SLC35F3: variants seen among roughly 807,000 people sequenced by gnomAD.
SLC35F3 encodes the protein solute carrier family 35 member F3.
SLC35F3 carries 25 observed loss-of-function variants against 49.9 expected under a neutral mutation model. That is an observed-to-expected ratio of 0.50 (90% CI 0.37 to 0.70). The LOEUF (loss-of-function observed/expected upper bound fraction) is 0.70. Ranked by LOEUF, SLC35F3 falls within the 30% of genes least tolerant of loss-of-function variation. The probability of loss-of-function intolerance (pLI) is 0.00; values close to 1 mark genes in which losing one functional copy is unlikely to be tolerated. For missense variants in SLC35F3, 525 were observed against 639.8 expected, an observed-to-expected ratio of 0.82 and a Z score of 1.94; for synonymous variants, 275 against 265.4, an observed-to-expected ratio of 1.04 and a Z score of -0.35.
intron 2 of SLC35F3, among the ~76,000 whole-genome samples, chr1:234,112,878 A>G (rs1431068036): frequency 6.6e-6 from 1 of 151,180 alleles, no homozygotes; most frequent in Non-Finnish European, 1.5e-5. Context: ...CCCGGCCTAT[A>G]ATTCACATTC....
chr1:234,317,825 G>A (rs1657526240), intron 5 of SLC35F3, among the ~76,000 whole-genome samples: 1 of 152,198 alleles, frequency 6.6e-6, no homozygotes, highest in Admixed American at 6.5e-5. Context: ...GACTCAAATA[G>A]CTGTGGACTA....
rs184619507 is a variant in SLC35F3, at chr1:234,307,952, T to G, written c.609-1149T>G. Among the ~76,000 whole-genome samples the G allele has an allele frequency of 5.5e-4, 84 of 152,328 alleles. 1 individual carries two copies. The highest frequency in any genetic ancestry group is 5.2e-3 in the Admixed American group (79 of 15,296). On this transcript the variant is annotated intron_variant, in intron 3 of 7. Coordinates refer to ENST00000366618, the MANE Select transcript of SLC35F3 (RefSeq NM_173508.4). ...CACACCCGAGCTCCCCACGGCCTCC[T>G]CTACTTCCTTCTTCTGCATGTAGAA... is the stretch of plus-strand genomic sequence containing the variant.
At chr1:234,059,619 G>C (rs367688913) in intron 2 of SLC35F3, among the ~76,000 whole-genome samples, 416 of 7,428 alleles carry the variant, frequency 0.056, 1 homozygote, top group Middle Eastern at 0.14. Flanking sequence ...ACATAGACTA[G>C]ACATAGACAT....
At chr1:234,036,728 A>T (rs1299178805) in intron 2 of SLC35F3, among the ~76,000 whole-genome samples, 1 of 152,212 alleles carries the variant, frequency 6.6e-6, no homozygotes, top group Non-Finnish European at 1.5e-5. Flanking sequence ...CTCAGTAAAC[A>T]GACTTTCCAC....
chr1:234,108,760 TAAA>T (rs1665349070), intron 2 of SLC35F3, among the ~76,000 whole-genome samples: 5 of 102,122 alleles, frequency 4.9e-5, no homozygotes, highest in African/African-American at 1.7e-4. Flanking sequence ...AAGATATATA[TAAA>T]TATATATATC....
chr1:234,145,623 T>C (rs1665984922), intron 2 of SLC35F3, among the ~76,000 whole-genome samples: 1 of 152,204 alleles, frequency 6.6e-6, no homozygotes, highest in Non-Finnish European at 1.5e-5. Flanking sequence ...GACTTTTTTT[T>C]CTTGTCATTA....
chr1:233,917,574 A>G (rs142271160), intron 2 of SLC35F3, among the ~76,000 whole-genome samples: 1,896 of 152,314 alleles, frequency 0.012, 23 homozygotes, highest in Middle Eastern at 0.02. Context: ...CCAGCTCTAA[A>G]AAAGCTAGCC....
chr1:234,199,650 TC>T (rs1666872101), intron 2 of SLC35F3, among the ~76,000 whole-genome samples: 1 of 152,090 alleles, frequency 6.6e-6, no homozygotes, highest in Admixed American at 6.6e-5. Flanking sequence ...TGGGATTACA[TC>T]AACATAAAAA....
chr1:233,939,456 G>A (rs193193850), intron 2 of SLC35F3, among the ~76,000 whole-genome samples: 8 of 152,044 alleles, frequency 5.3e-5, no homozygotes, highest in East Asian at 3.9e-4. Context: ...TCCTGTCTCC[G>A]AAAAGAAAAA....
intron 3 of SLC35F3, among the ~76,000 whole-genome samples, chr1:234,235,107 C>T (rs184042649): frequency 6.4e-4 from 98 of 152,176 alleles, no homozygotes; most frequent in Non-Finnish European, 5.1e-4. Context: ...CTGATCAGGG[C>T]TTCTCATGAT....
intron 2 of SLC35F3, among the ~76,000 whole-genome samples, chr1:234,167,527 C>A (rs1288344746): frequency 1.3e-5 from 2 of 152,190 alleles, no homozygotes; most frequent in Non-Finnish European, 2.9e-5. Context: ...TTTAACCTGG[C>A]TGGCAGCTCC....
At chr1:233,908,210 ATTC>A (rs149375778) in intron 2 of SLC35F3, among the ~76,000 whole-genome samples, 4,143 of 152,164 alleles carry the variant, frequency 0.027, 119 homozygotes, top group East Asian at 0.15. Context: ...AAAAAAAAAA[ATTC>A]TCATGATCTC....
rs1221299852 is a variant in SLC35F3 at position 234,132,808 on chromosome 1, A to C, written c.284-98609A>C. Among the ~76,000 whole-genome samples, 8 of 152,232 alleles carry C rather than the reference A, an allele frequency of 5.3e-5. No individual in the cohort carries two copies. The East Asian group carries it at 1.4e-3, about 26-fold the overall frequency. ...TTATTCATGGTGGTTTATGATTTCA[A>C]TCCATGGTGTTGTATTTATAAAGAG... On this transcript the variant is annotated intron_variant, in intron 2 of 7. Transcript: ENST00000366618.
At chr1:234,283,398 G>C (rs1668360429) in intron 3 of SLC35F3, among the ~76,000 whole-genome samples, 1 of 152,200 alleles carries the variant, frequency 6.6e-6, no homozygotes, top group Non-Finnish European at 1.5e-5. Flanking sequence ...CCATCCACAA[G>C]TAACTAAGAA....
chr1:234,033,169 T>A (rs111530457), intron 2 of SLC35F3, among the ~76,000 whole-genome samples: 2,264 of 152,298 alleles, frequency 0.015, 66 homozygotes, highest in African/African-American at 0.053. Flanking sequence ...TTGAGAATTG[T>A]CTATACATGT....
chr1:233,994,332 G>A (rs1323194150), intron 2 of SLC35F3, among the ~76,000 whole-genome samples: 2 of 152,176 alleles, frequency 1.3e-5, no homozygotes, highest in Non-Finnish European at 2.9e-5. Flanking sequence ...CTGAGGATGA[G>A]AAAGGTTATC....
At chr1:234,141,030 G>T (rs923351981) in intron 2 of SLC35F3, among the ~76,000 whole-genome samples, 4 of 152,154 alleles carry the variant, frequency 2.6e-5, no homozygotes, top group Non-Finnish European at 5.9e-5. Flanking sequence ...TTTCCACAGG[G>T]TATCAATCTA....
chr1:234,144,541 A>G (rs749017310), intron 2 of SLC35F3, among the ~76,000 whole-genome samples: 5 of 152,186 alleles, frequency 3.3e-5, no homozygotes, highest in Non-Finnish European at 5.9e-5. Context: ...GTGAGTATTT[A>G]TGGTCTATGG....
intron 4 of SLC35F3, among the ~76,000 whole-genome samples, chr1:234,315,103 C>T (rs1026556986): frequency 6.6e-6 from 1 of 152,172 alleles, no homozygotes; most frequent in Non-Finnish European, 1.5e-5. Flanking sequence ...ACATCTGATG[C>T]AAAACGGTGT....
Sources: gnomAD v4.1 joint callset for allele counts (sites outside exome capture counted in the v4.1 genomes callset) on GRCh38, gnomAD v4.1.1 for gene constraint, MANE v1.5 for transcripts, NCBI Gene and HGNC (gene_info 2026-07-23, HGNC 2026-07-21) for gene names.